YAE1: variants seen among roughly 807,000 people sequenced by gnomAD.
YAE1 encodes the protein protein YAE1 homolog.
Under a neutral mutation model 23.0 loss-of-function variants are expected in YAE1, and 22 were observed. That is an observed-to-expected ratio of 0.96 (90% CI 0.68 to 1.37). YAE1 has a LOEUF of 1.37. YAE1 is among the 40% of genes most tolerant of loss of function. YAE1 has a pLI of 0.00. For missense variants in YAE1, 260 were observed against 262.1 expected (o/e 0.99, Z 0.06); for synonymous variants, 101 against 97.0 (o/e 1.04, Z -0.24).
rs544792434 is a variant in YAE1, at chr7:39,585,338, G to A, written c.251+14711G>A. ...TGACTGTATTTGGAGATAGAAGTGT[G>A]CCCTAACCCAGTCTGACCAGTATCC... On this transcript the variant is annotated intron_variant, in intron 2 of 2. Transcript: ENST00000432096. Among the ~76,000 whole-genome samples, 394 of 152,232 alleles carry A rather than the reference G, an allele frequency of 2.6e-3. 2 individuals are homozygous for A. Among genetic ancestry groups the A allele is most frequent in the Non-Finnish European group, 4.7e-3 (319 of 68,016 alleles).
At chr7:39,609,864 A>G (rs889246714) in exon 3 of YAE1, 21 of 1,533,918 alleles carry the variant, frequency 1.4e-5, no homozygotes, top group Non-Finnish European at 1.6e-5. Context: ...CCGGCGTTTC[A>G]GACGCAAACC....
At chr7:39,570,700 G>A in intron 2 of YAE1, 73 bp downstream of exon 2, 1 of 1,499,198 alleles carries the variant, frequency 6.7e-7, no homozygotes, top group Non-Finnish European at 8.8e-7. Context: ...TATAAATAAA[G>A]TGTTTAAACT....
chr7:39,590,738 T>C (rs2115820745), intron 2 of YAE1, among the ~76,000 whole-genome samples: 1 of 152,332 alleles, frequency 6.6e-6, no homozygotes, highest in South Asian at 2.1e-4. Flanking sequence ...TCTGGAACTT[T>C]CCACCTGTGG....
chr7:39,574,739 A>C (rs1219687037), downstream of YAE1, among the ~76,000 whole-genome samples: 1 of 128,996 alleles, frequency 7.8e-6, no homozygotes, highest in African/African-American at 4.0e-5. Flanking sequence ...TCTCCAAAAA[A>C]AAAAAAAAAA....
chr7:39,593,177 C>CTTTTTGTTTTTTTTT (rs1790925117), intron 2 of YAE1, among the ~76,000 whole-genome samples: 1 of 72,112 alleles, frequency 1.4e-5, no homozygotes, highest in African/African-American at 5.8e-5. Flanking sequence ...TTGGTTATTT[C>CTTTTTGTTTTTTTTT]TTTTTTTTTT....
chr7:39,598,792 A>G (rs1182843479), intron 2 of YAE1, among the ~76,000 whole-genome samples: 1 of 149,946 alleles, frequency 6.7e-6, no homozygotes, highest in Non-Finnish European at 1.5e-5. Flanking sequence ...CTCAAAAAAA[A>G]AAAAAAAGAA....
Position 39,609,398 on chromosome 7 carries a change from A to T in YAE1, c.252-219A>T, listed in dbSNP as rs1199870243. ...AAGCTGTGCAGTGAATCATATTTAC[A>T]TCACCATCATGTGGGAACACTGGTT... On this transcript the variant is annotated intron_variant, in intron 2 of 2. Transcript: ENST00000432096. 1.1e-5 allele frequency: 7 copies of T among 622,338 alleles called. No homozygotes were observed. In the East Asian group the frequency reaches 2.0e-4, roughly 18 times the overall value. 38.6% of individuals were successfully genotyped at this position (622,338 alleles called of 1,614,324 possible).
chr7:39,587,177 G>A (rs983533655), intron 2 of YAE1, among the ~76,000 whole-genome samples: 3 of 151,672 alleles, frequency 2.0e-5, no homozygotes, highest in African/African-American at 4.8e-5. Flanking sequence ...CCACCTCAGC[G>A]TCCCAAGCAG....
chr7:39,595,186 C>G (rs1278581133), intron 2 of YAE1, among the ~76,000 whole-genome samples: 2 of 152,002 alleles, frequency 1.3e-5, no homozygotes, highest in African/African-American at 4.8e-5. Flanking sequence ...CCCTTCAATT[C>G]TATTTCCGTG....
intron 2 of YAE1, among the ~76,000 whole-genome samples, chr7:39,607,266 C>G (rs1401327109): frequency 1.3e-5 from 2 of 152,020 alleles, no homozygotes; most frequent in African/African-American, 4.8e-5. Flanking sequence ...GAACCTGAAA[C>G]TATGTTAGAT....
At chr7:39,576,373 G>GT (rs1298880780), downstream of YAE1, among the ~76,000 whole-genome samples, 1 of 152,088 alleles carries the variant, frequency 6.6e-6, no homozygotes, top group African/African-American at 2.4e-5. Context: ...TTTTGTTTCT[G>GT]TTTTTGTTTT....
intron 2 of YAE1, among the ~76,000 whole-genome samples, chr7:39,589,407 A>G (rs1041253559): frequency 3.9e-5 from 6 of 152,086 alleles, no homozygotes; most frequent in African/African-American, 1.4e-4. Flanking sequence ...AGCTGGGACT[A>G]CAGGCATGCA....
intron 2 of YAE1, among the ~76,000 whole-genome samples, chr7:39,593,713 C>T (rs1018466537): frequency 1.3e-5 from 2 of 152,294 alleles, no homozygotes; most frequent in African/African-American, 2.4e-5. Flanking sequence ...CCACCCCAGC[C>T]GCCCAAAATA....
At chr7:39,603,988 G>C (rs1413260875) in intron 2 of YAE1, among the ~76,000 whole-genome samples, 1 of 152,190 alleles carries the variant, frequency 6.6e-6, no homozygotes, top group Non-Finnish European at 1.5e-5. Flanking sequence ...GACTTTGGTT[G>C]CAAGTAACAG....
At chr7:39,566,705 T>A in intron 1 of YAE1, 158 bp downstream of exon 1, 1 of 1,048,440 alleles carries the variant, frequency 9.5e-7, no homozygotes, top group African/African-American at 1.6e-5. Flanking sequence ...TTCTCGATGG[T>A]TACTTGAAAG....
chr7:39,581,534 T>C (rs1250169393), intron 2 of YAE1, among the ~76,000 whole-genome samples: 1 of 152,208 alleles, frequency 6.6e-6, no homozygotes, highest in Admixed American at 6.5e-5. Context: ...AAAAACTCTC[T>C]AACCTGTAAT....
intron 2 of YAE1, among the ~76,000 whole-genome samples, chr7:39,599,406 C>T (rs1791022616): frequency 1.3e-5 from 2 of 151,398 alleles, no homozygotes; most frequent in African/African-American, 2.4e-5. Flanking sequence ...AATGGAGTCT[C>T]GCTCTGTTGC....
intron 2 of YAE1, among the ~76,000 whole-genome samples, chr7:39,598,724 C>T (rs1359485727): frequency 2.0e-5 from 3 of 149,502 alleles, no homozygotes. Context: ...CTGCAGTGAG[C>T]TATGACCATG....
At chr7:39,599,498 C>G (rs987706715) in intron 2 of YAE1, among the ~76,000 whole-genome samples, 5 of 151,812 alleles carry the variant, frequency 3.3e-5, no homozygotes, top group African/African-American at 4.8e-5. Context: ...GCCTCAGCCT[C>G]TTGAGAGCTG....
Sources: allele counts gnomAD v4.1 joint callset (sites outside exome capture counted in the v4.1 genomes callset), GRCh38; gene constraint gnomAD v4.1.1; transcripts MANE v1.5; gene names NCBI Gene and HGNC (gene_info 2026-07-23, HGNC 2026-07-21).